TBC1D12: variants seen among roughly 807,000 people sequenced by gnomAD.
TBC1D12 encodes the protein TBC1 domain family, member 12.
Under a neutral mutation model 86.7 loss-of-function variants are expected in TBC1D12, and 56 were observed. That is an observed-to-expected ratio of 0.65 (90% confidence interval 0.52 to 0.81). The LOEUF (loss-of-function observed/expected upper bound fraction) is 0.81, where lower values mean the gene tolerates loss of function less well. TBC1D12 is among the 30% of genes least tolerant of loss of function. The pLI is 0.00. For missense variants in TBC1D12, 1,023 were observed against 1,038.8 expected, an observed-to-expected ratio of 0.98 and a Z score of 0.21; for synonymous variants, 421 against 411.7, an observed-to-expected ratio of 1.02 and a Z score of -0.27.
intron 7 of TBC1D12, 33 bp downstream of exon 7, chr10:94,507,380 G>A: frequency 1.3e-6 from 2 of 1,553,724 alleles, no homozygotes; most frequent in Non-Finnish European, 1.7e-6. Flanking sequence ...AGAATTTTAG[G>A]ATGAAAATTC....
chr10:94,446,559 A>C (rs1456443429), intron 2 of TBC1D12, among the ~76,000 whole-genome samples: 4 of 147,132 alleles, frequency 2.7e-5, no homozygotes, highest in Admixed American at 6.7e-5. Context: ...TTTTTTGAAA[A>C]AAAATTTTTT....
intron 2 of TBC1D12, among the ~76,000 whole-genome samples, chr10:94,448,808 G>A (rs749403782): frequency 1.4e-4 from 22 of 152,158 alleles, no homozygotes; most frequent in Non-Finnish European, 2.6e-4. Context: ...TTACACTCTT[G>A]CATGTTTTGT....
At chr10:94,444,268 C>T (rs766005061) in intron 2 of TBC1D12, among the ~76,000 whole-genome samples, 23 of 148,498 alleles carry the variant, frequency 1.5e-4, no homozygotes, top group Non-Finnish European at 3.0e-4. Flanking sequence ...GGAAATATAT[C>T]CTTATTAAAT....
At chr10:94,523,840 A>C (rs1842217207) in intron 11 of TBC1D12, among the ~76,000 whole-genome samples, 1 of 152,158 alleles carries the variant, frequency 6.6e-6, no homozygotes, top group African/African-American at 2.4e-5. Context: ...ATAGTCGTGC[A>C]TTCCTGTAGT....
chr10:94,421,183 C>T (rs1050077775), intron 1 of TBC1D12, among the ~76,000 whole-genome samples: 1 of 152,136 alleles, frequency 6.6e-6, no homozygotes, highest in African/African-American at 2.4e-5. Flanking sequence ...CTGGTTCCCC[C>T]TGTGACCACC....
rs541482883 is a variant in TBC1D12 at position 94,471,123 on chromosome 10, A to C, written c.1096-3545A>C. ...AAACCCTGTCTCTATGAAAAATACA[A>C]AAATTAGCCGGGCATGGTGGCACAT... On this transcript the variant is annotated intron_variant, in intron 2 of 12. Transcript: ENST00000225235. 2.0e-5 allele frequency among the ~76,000 whole-genome samples: 3 copies of C among 152,126 alleles called. No individual in the cohort carries two copies. The South Asian group carries it at 6.2e-4, about 32-fold the overall frequency.
chr10:94,523,701 G>A (rs1043064338), intron 11 of TBC1D12, among the ~76,000 whole-genome samples: 3 of 152,106 alleles, frequency 2.0e-5, no homozygotes, highest in Admixed American at 6.5e-5. Flanking sequence ...AGTGGCTGAC[G>A]CCTGTAGTCC....
intron 1 of TBC1D12, among the ~76,000 whole-genome samples, chr10:94,406,728 C>G (rs1165410060): frequency 6.6e-6 from 1 of 152,228 alleles, no homozygotes; most frequent in Non-Finnish European, 1.5e-5. Flanking sequence ...ATTCTCAACT[C>G]TGAAGCTCCA....
At chr10:94,488,152 G>A (rs1478827632) in intron 3 of TBC1D12, among the ~76,000 whole-genome samples, 1 of 152,004 alleles carries the variant, frequency 6.6e-6, no homozygotes, top group Non-Finnish European at 1.5e-5. Flanking sequence ...TTGGAAGGCT[G>A]AGGCAGGTGA....
In TBC1D12 at chr10:94,531,673, T is replaced by TTTTAC. The variant is rs1842421997; in HGVS notation, c.2259+217_2259+218insCTTTA. Reference sequence around the variant, plus strand: ...TTTTATTTTATTTTATTTTATTTTATTTTATTTTATTTTATGTTATTTTAT... The same window carrying TTTTAC: ...TTTTATTTTATTTTATTTTATTTTATTTTACTTTATTTTATTTTATGTTATTTTAT... On this transcript the variant is annotated intron_variant, in intron 12 of 12. Coordinates refer to ENST00000225235, the MANE Select transcript of TBC1D12 (RefSeq NM_015188.2). Among the ~76,000 whole-genome samples the TTTTAC allele has an allele frequency of 3.4e-5, 5 of 145,746 alleles. No homozygotes were observed. In the Admixed American group the frequency reaches 3.5e-4, roughly 10 times the overall value.
intron 11 of TBC1D12, among the ~76,000 whole-genome samples, chr10:94,525,877 A>G (rs1842275128): frequency 6.6e-6 from 1 of 152,172 alleles, no homozygotes; most frequent in African/African-American, 2.4e-5. Context: ...TTCTGTACAT[A>G]TAATGTATAG....
chr10:94,407,589 TAGG>T (rs1345195377), intron 1 of TBC1D12, among the ~76,000 whole-genome samples: 1 of 150,724 alleles, frequency 6.6e-6, no homozygotes, highest in Admixed American at 6.6e-5. Context: ...GAGGCTGAGG[TAGG>T]AGAATTGCTA....
At chr10:94,506,410 A>T (rs2056461581) in intron 6 of TBC1D12, among the ~76,000 whole-genome samples, 1 of 152,202 alleles carries the variant, frequency 6.6e-6, no homozygotes, top group African/African-American at 2.4e-5. Flanking sequence ...AAAAAGAATT[A>T]ATTGAAGCAA....
chr10:94,485,037 A>G (rs1040010339), intron 3 of TBC1D12, among the ~76,000 whole-genome samples: 2 of 152,146 alleles, frequency 1.3e-5, no homozygotes, highest in African/African-American at 2.4e-5. Context: ...AGATTATCTC[A>G]TCTGCAAGGA....
intron 3 of TBC1D12, among the ~76,000 whole-genome samples, chr10:94,486,136 C>CTTTTTTTTTT (rs760373766): frequency 3.6e-3 from 439 of 120,786 alleles, no homozygotes; most frequent in East Asian, 6.9e-3. Flanking sequence ...TCTTCTTCTT[C>CTTTTTTTTTT]TTCTTTTTTT....
intron 1 of TBC1D12, among the ~76,000 whole-genome samples, chr10:94,422,656 C>T (rs2055091255): frequency 6.6e-6 from 1 of 152,008 alleles, no homozygotes; most frequent in African/African-American, 2.4e-5. Flanking sequence ...CTCACTGCAA[C>T]CTCAAACTCC....
At chr10:94,504,052 A>G (rs1038225191) in intron 6 of TBC1D12, among the ~76,000 whole-genome samples, 8 of 152,240 alleles carry the variant, frequency 5.3e-5, no homozygotes, top group Admixed American at 5.2e-4. Flanking sequence ...ATACACAGAG[A>G]TTACTTTTGC....
chr10:94,496,450 A>G (rs142410422), intron 4 of TBC1D12, among the ~76,000 whole-genome samples: 112 of 152,298 alleles, frequency 7.4e-4, no homozygotes, highest in Middle Eastern at 3.4e-3. Flanking sequence ...GAGTTAATAT[A>G]CTAATAATGC....
intron 9 of TBC1D12, among the ~76,000 whole-genome samples, chr10:94,515,369 C>A (rs1054198412): frequency 6.6e-6 from 1 of 150,504 alleles, no homozygotes; most frequent in South Asian, 2.1e-4. Flanking sequence ...GTTTTTGAGA[C>A]GGGGTTTCGC....
Sources: gnomAD v4.1 joint callset for allele counts (sites outside exome capture counted in the v4.1 genomes callset) on GRCh38, gnomAD v4.1.1 for gene constraint, MANE v1.5 for transcripts, NCBI Gene and HGNC (gene_info 2026-07-23, HGNC 2026-07-21) for gene names.